Variants in GRIK2 observed in about 807,000 individuals in gnomAD.
GRIK2 encodes glutamate receptor ionotropic, kainate 2.
A neutral mutation model predicts 100.3 loss-of-function variants in GRIK2; 32 were observed. The observed-to-expected ratio is 0.32, with a 90% CI of 0.24 to 0.43. GRIK2 has a LOEUF of 0.43. GRIK2 is among the 20% of genes least tolerant of loss of function. The probability of loss-of-function intolerance (pLI) is 1.00; values close to 1 mark genes in which losing one functional copy is unlikely to be tolerated. For missense variants in GRIK2, 843 were observed against 1,114.9 expected, an observed-to-expected ratio of 0.76 and a Z score of 3.47; for synonymous variants, 417 against 389.4, an observed-to-expected ratio of 1.07 and a Z score of -0.83.
At chr6:101,519,035 A>C (rs1774734711) in intron 2 of GRIK2, among the ~76,000 whole-genome samples, 1 of 152,216 alleles carries the variant, frequency 6.6e-6, no homozygotes, top group African/African-American at 2.4e-5. Flanking sequence ...TCTTTAGCTT[A>C]GGAATTACAC....
In GRIK2 at chr6:101,475,617, C is replaced by T. The variant is rs553134041; in HGVS notation, c.115+76225C>T. 2.6e-5 allele frequency among the ~76,000 whole-genome samples: 4 copies of T among 151,900 alleles called. No individual in the cohort carries two copies. The South Asian group carries it at 8.3e-4, about 32-fold the overall frequency. On this transcript the variant is annotated intron_variant, in intron 2 of 16. Transcript: ENST00000369134. ...CTGTATCTGCTAGACTTCAGTGTTG[C>T]ACTTTTTGAAGAGCTCAGTGTAAAC...
At chr6:101,916,133 C>T (rs1789089631) in intron 12 of GRIK2, among the ~76,000 whole-genome samples, 1 of 151,254 alleles carries the variant, frequency 6.6e-6, no homozygotes, top group Non-Finnish European at 1.5e-5. Context: ...TTGAATGTTC[C>T]TTAAGGATTT....
At chr6:101,495,891 G>T (rs903207817) in intron 2 of GRIK2, among the ~76,000 whole-genome samples, 2 of 151,436 alleles carry the variant, frequency 1.3e-5, no homozygotes, top group African/African-American at 4.9e-5. Flanking sequence ...GACTACAAAA[G>T]CACATAAGAG....
At chr6:101,925,238 G>A (rs970600610) in intron 13 of GRIK2, among the ~76,000 whole-genome samples, 1 of 151,982 alleles carries the variant, frequency 6.6e-6, no homozygotes, top group Non-Finnish European at 1.5e-5. Flanking sequence ...GCATTTGATA[G>A]CATATAAGAA....
At chr6:101,859,914 A>C (rs565998026) in intron 11 of GRIK2, among the ~76,000 whole-genome samples, 1 of 152,154 alleles carries the variant, frequency 6.6e-6, no homozygotes, top group African/African-American at 2.4e-5. Context: ...AGGGGTGAGG[A>C]GGGGTGTTTC....
chr6:101,492,877 C>A (rs1005587623), intron 2 of GRIK2, among the ~76,000 whole-genome samples: 2 of 151,816 alleles, frequency 1.3e-5, no homozygotes, highest in Non-Finnish European at 2.9e-5. Context: ...ATATGTTTAT[C>A]ATATTCCTGA....
At chr6:101,528,518 ACT>A (rs1775263735) in intron 2 of GRIK2, among the ~76,000 whole-genome samples, 1 of 151,888 alleles carries the variant, frequency 6.6e-6, no homozygotes, top group Non-Finnish European at 1.5e-5. Flanking sequence ...GAACTGTGAA[ACT>A]CTATTATATT....
chr6:101,852,430 C>G (rs1784188295), intron 10 of GRIK2, among the ~76,000 whole-genome samples: 1 of 152,102 alleles, frequency 6.6e-6, no homozygotes, highest in African/African-American at 2.4e-5. Flanking sequence ...CATAGTGGAA[C>G]TTACCTGTCT....
At chr6:101,404,654 G>C (rs1452303662) in intron 2 of GRIK2, among the ~76,000 whole-genome samples, 3 of 152,166 alleles carry the variant, frequency 2.0e-5, no homozygotes, top group Non-Finnish European at 4.4e-5. Context: ...GCTTGCAGGA[G>C]ATCCCTGATT....
intron 12 of GRIK2, among the ~76,000 whole-genome samples, chr6:101,904,101 T>G (rs1291619714): frequency 1.3e-5 from 2 of 151,510 alleles, no homozygotes; most frequent in African/African-American, 4.8e-5. Context: ...ATCTCTAATT[T>G]TATGTTCTCT....
At position 102,068,527 on chromosome 6, in the gene GRIK2, C is replaced by T. The variant is rs778110826; in HGVS notation, c.*16C>T. 6.2e-7 allele frequency: 1 copy of T among 1,605,768 alleles called. No homozygotes were observed. The highest frequency in any genetic ancestry group is 1.1e-5 in the South Asian group (1 of 90,476). On this transcript the variant is annotated 3_prime_UTR_variant, in exon 17 of 17. Transcript: ENST00000369134. ...CATGGCATAAAGCTGGGAGGCCAAA[C>T]ACCCAAGCACAAACTGTCGTCTTTT...
At chr6:101,656,879 A>G (rs1344735839) in intron 4 of GRIK2, among the ~76,000 whole-genome samples, 2 of 152,232 alleles carry the variant, frequency 1.3e-5, no homozygotes, top group Non-Finnish European at 2.9e-5. Context: ...GATCCTTAAC[A>G]TTTACTACCA....
At chr6:101,777,618 A>T (rs112871694) in intron 7 of GRIK2, among the ~76,000 whole-genome samples, 5,100 of 152,252 alleles carry the variant, frequency 0.033, 202 homozygotes, top group African/African-American at 0.094. Flanking sequence ...TTTCTTTAGT[A>T]AAAAGGTCAA....
At chr6:101,618,236 T>C (rs1006481338) in intron 2 of GRIK2, among the ~76,000 whole-genome samples, 10 of 151,696 alleles carry the variant, frequency 6.6e-5, no homozygotes, top group African/African-American at 1.7e-4. Context: ...GAAAATACAA[T>C]CCTTTTTTAT....
intron 4 of GRIK2, among the ~76,000 whole-genome samples, chr6:101,657,988 A>G (rs1325062294): frequency 6.6e-6 from 1 of 152,156 alleles, no homozygotes; most frequent in Non-Finnish European, 1.5e-5. Context: ...GACTATTTCA[A>G]TATACCCTAG....
At chr6:101,720,589 C>T (rs1774411152) in intron 7 of GRIK2, among the ~76,000 whole-genome samples, 2 of 151,990 alleles carry the variant, frequency 1.3e-5, no homozygotes, top group East Asian at 3.9e-4. Flanking sequence ...TTACTAACAT[C>T]ATTTTCTGTC....
intron 2 of GRIK2, among the ~76,000 whole-genome samples, chr6:101,492,952 G>A (rs946916248): frequency 1.4e-4 from 21 of 151,566 alleles, no homozygotes; most frequent in South Asian, 8.3e-4. Flanking sequence ...GAAATAAACC[G>A]GCAGGTTTGA....
chr6:101,714,997 C>G (rs1432211430), intron 7 of GRIK2, among the ~76,000 whole-genome samples: 2 of 151,372 alleles, frequency 1.3e-5, no homozygotes, highest in East Asian at 3.9e-4. Context: ...AATATTAACT[C>G]TAATATTATT....
At chr6:102,011,961 A>G (rs1001053273) in intron 14 of GRIK2, among the ~76,000 whole-genome samples, 1 of 151,530 alleles carries the variant, frequency 6.6e-6, no homozygotes, top group Non-Finnish European at 1.5e-5. Flanking sequence ...AGTTACCTAG[A>G]TTTTCTCCAT....
Sources: allele counts gnomAD v4.1 joint callset (sites outside exome capture counted in the v4.1 genomes callset), GRCh38; gene constraint gnomAD v4.1.1; transcripts MANE v1.5; gene names NCBI Gene and HGNC (gene_info 2026-07-23, HGNC 2026-07-21).